The following MYT1L variants were observed in gnomAD, a reference collection of about 807,000 sequenced individuals.
The protein encoded by MYT1L is myelin transcription factor 1-like protein.
Under a neutral mutation model 126.7 loss-of-function variants are expected in MYT1L, and 12 were observed. That is an observed-to-expected ratio of 0.09 (90% CI 0.06 to 0.15). The LOEUF is 0.15. Among genes scored for constraint, MYT1L ranks in the 10% least tolerant of loss-of-function variants. The pLI, the probability that MYT1L is intolerant of heterozygous loss-of-function variation, is 1.00. For missense variants in MYT1L, 979 were observed against 1,585.2 expected (o/e 0.62, Z 6.49); for synonymous variants, 541 against 604.2 (o/e 0.90, Z 1.53).
chr2:1,968,557 A>T (rs1032346344), intron 8 of MYT1L, among the ~76,000 whole-genome samples: 1 of 152,120 alleles, frequency 6.6e-6, no homozygotes, highest in African/African-American at 2.4e-5. Flanking sequence ...GATCTTTTAA[A>T]ATCTGTTGTA....
At chr2:2,050,206 A>G (rs920434241) in intron 4 of MYT1L, among the ~76,000 whole-genome samples, 7 of 152,218 alleles carry the variant, frequency 4.6e-5, no homozygotes, top group African/African-American at 1.4e-4. Context: ...GCCCAAAAAC[A>G]AGTGATCGCT....
intron 8 of MYT1L, chr2:1,974,508 G>A (rs1263546458): frequency 6.6e-6 from 1 of 152,174 alleles, no homozygotes; most frequent in Non-Finnish European, 1.5e-5. Flanking sequence ...GCAAATTCAG[G>A]TGACTGGCTA....
intron 1 of MYT1L, among the ~76,000 whole-genome samples, chr2:2,311,110 C>T (rs1238360429): frequency 6.6e-6 from 1 of 152,146 alleles, no homozygotes; most frequent in Non-Finnish European, 1.5e-5. Flanking sequence ...CCCTCCAGAC[C>T]CCGGATCTGA....
chr2:2,122,408 C>T (rs1489458189), intron 3 of MYT1L, among the ~76,000 whole-genome samples: 2 of 152,134 alleles, frequency 1.3e-5, no homozygotes, highest in African/African-American at 4.8e-5. Context: ...GCACCCAGGG[C>T]ATCAGAGCCA....
rs2054705698 is a variant in MYT1L at position 1,929,752 on chromosome 2, G to A, written c.506-6489C>T. ...TTTCTTTGAATTTTAGTGCTAGATA[G>A]AATTATTGAGATCATGCCTTCAAAA... is the stretch of plus-strand genomic sequence containing the variant. On this transcript the variant is annotated intron_variant, in intron 9 of 24. Coordinates refer to ENST00000647738, the MANE Select transcript of MYT1L (RefSeq NM_001303052.2). The surrounding 1 kb of genome is among the most constrained non-coding windows in gnomAD (Gnocchi z 4.7). Among the ~76,000 whole-genome samples, 1 of 152,204 alleles carries A rather than the reference G, an allele frequency of 6.6e-6. No homozygotes were observed. Among genetic ancestry groups the A allele is most frequent in the African/African-American group, 2.4e-5 (1 of 41,456 alleles).
chr2:1,887,359 C>CA lies in MYT1L; in HGVS notation c.2642+128_2642+129insT. On this transcript the variant is annotated intron_variant, in intron 17 of 24. Coordinates refer to ENST00000647738, the MANE Select transcript of MYT1L (RefSeq NM_001303052.2). The surrounding 1 kb of genome is among the most constrained non-coding windows in gnomAD (Gnocchi z 4.8). ...CTGCTCACTCTACTGACCCAGCAGT[C>CA]GGAAACATTTATATGCTGCGAATGT... 3.2e-6 allele frequency: 4 copies of CA among 1,252,694 alleles called. No individual in the cohort carries two copies. Among genetic ancestry groups the CA allele is most frequent in the Admixed American group, 2.0e-5 (1 of 50,260 alleles). 77.6% of individuals were successfully genotyped at this position (1,252,694 alleles called of 1,614,324 possible). A position where few individuals can be genotyped will look rare whatever the true frequency, so the allele number is the denominator to read the frequency against.
chr2:2,211,674 G>A (rs113824855), intron 2 of MYT1L, among the ~76,000 whole-genome samples: 1,766 of 151,600 alleles, frequency 0.012, 16 homozygotes, highest in Non-Finnish European at 0.016. Context: ...GCGTGGTGGC[G>A]GGCGCCTCTA....
At chr2:2,329,337 T>C (rs1681835918) in intron 1 of MYT1L, among the ~76,000 whole-genome samples, 3 of 152,100 alleles carry the variant, frequency 2.0e-5, no homozygotes, top group South Asian at 4.2e-4. Context: ...AAATCAACTG[T>C]GCTATCTCAT....
At chr2:2,250,560 CA>C (rs1230829158) in intron 2 of MYT1L, among the ~76,000 whole-genome samples, 3,829 of 90,716 alleles carry the variant, frequency 0.042, 43 homozygotes, top group Middle Eastern at 0.1. Flanking sequence ...TGAAAGGGTA[CA>C]AAAAAAAAAA....
intron 1 of MYT1L, among the ~76,000 whole-genome samples, 166 bp downstream of exon 1, chr2:2,330,801 G>A (rs150193514): frequency 1.8e-4 from 28 of 151,986 alleles, no homozygotes; most frequent in Non-Finnish European, 3.2e-4. Context: ...TTTTTTTGTG[G>A]ATTACAAAGC....
chr2:2,023,623 GT>G (rs148916846), intron 4 of MYT1L, among the ~76,000 whole-genome samples: 2,306 of 144,586 alleles, frequency 0.016, 50 homozygotes, highest in African/African-American at 0.05. Flanking sequence ...GGCTTTTGCT[GT>G]TTTTTTTTTT....
intron 4 of MYT1L, among the ~76,000 whole-genome samples, chr2:2,033,032 ATTCTAGAAGG>A (rs1381604062): frequency 7.8e-6 from 1 of 127,688 alleles, no homozygotes; most frequent in African/African-American, 3.1e-5. Context: ...CCCAGAGCAG[ATTCTAGAAGG>A]AGGGCCTTAC....
intron 18 of MYT1L, among the ~76,000 whole-genome samples, chr2:1,855,120 A>G (rs2043749852): frequency 6.6e-6 from 1 of 152,218 alleles, no homozygotes; most frequent in South Asian, 2.1e-4. Context: ...TTAAAAACTC[A>G]TAGATTTACA....
At chr2:2,285,556 C>T (rs1381018928) in intron 1 of MYT1L, among the ~76,000 whole-genome samples, 3 of 152,240 alleles carry the variant, frequency 2.0e-5, no homozygotes, top group Non-Finnish European at 4.4e-5. Context: ...ATGCTTTCAA[C>T]TTTGCATATC....
chr2:1,897,832 C>T (rs778048990), intron 14 of MYT1L, among the ~76,000 whole-genome samples: 8 of 152,092 alleles, frequency 5.3e-5, no homozygotes, highest in Non-Finnish European at 7.4e-5. Flanking sequence ...TTCTTCCAGG[C>T]GCCCAGAACA....
intron 3 of MYT1L, among the ~76,000 whole-genome samples, chr2:2,117,075 C>T (rs1320254570): frequency 5.3e-5 from 8 of 152,170 alleles, no homozygotes; most frequent in Admixed American, 5.2e-4. Context: ...TGGACCTCTC[C>T]CCCTGCAGAG....
chr2:2,227,327 C>T (rs149289726), intron 2 of MYT1L, among the ~76,000 whole-genome samples: 98 of 152,296 alleles, frequency 6.4e-4, no homozygotes, highest in Middle Eastern at 3.4e-3. Flanking sequence ...CTCATAGATT[C>T]AATGACCCAC....
intron 2 of MYT1L, among the ~76,000 whole-genome samples, chr2:2,198,688 C>G (rs573967636): frequency 1.2e-4 from 19 of 152,122 alleles, no homozygotes; most frequent in African/African-American, 4.6e-4. Context: ...GAAACCCCAT[C>G]TCTACTAAAA....
intron 1 of MYT1L, among the ~76,000 whole-genome samples, chr2:2,291,568 T>C (rs1176959577): frequency 1.3e-5 from 2 of 152,198 alleles, no homozygotes; most frequent in East Asian, 3.9e-4. Context: ...AAAAGCGACA[T>C]ATTTGCTAAT....
Sources: gnomAD v4.1 joint callset for allele counts (sites outside exome capture counted in the v4.1 genomes callset) on GRCh38, gnomAD v4.1.1 for gene constraint, Gnocchi (gnomAD v3.1) non-coding constraint, MANE v1.5 for transcripts, NCBI Gene and HGNC (gene_info 2026-07-23, HGNC 2026-07-21) for gene names.